The following ETFA variants were observed in gnomAD, a reference collection of about 807,000 sequenced individuals.
ETFA encodes electron transfer flavoprotein subunit alpha, mitochondrial.
Under a neutral mutation model 46.2 loss-of-function variants are expected in ETFA, and 22 were observed. That is an observed-to-expected ratio of 0.48 (90% CI 0.34 to 0.68). The LOEUF is 0.68. ETFA is among the 30% of genes least tolerant of loss of function. The pLI is 0.01. For missense variants in ETFA, 345 were observed against 401.1 expected, an observed-to-expected ratio of 0.86 and a Z score of 1.19; for synonymous variants, 131 against 139.9, an observed-to-expected ratio of 0.94 and a Z score of 0.45.
intron 9 of ETFA, chr15:76,260,737 T>G (rs2039401987): frequency 6.2e-7 from 1 of 1,606,552 alleles, no homozygotes; most frequent in African/African-American, 1.3e-5. Context: ...TGGGGAGCGC[T>G]GGCTGGGGCT....
intron 1 of ETFA, 36 bp from the exon 2 acceptor site, chr15:76,295,773 A>G (rs2141544027): frequency 1.3e-6 from 2 of 1,548,684 alleles, no homozygotes; most frequent in East Asian, 4.6e-5. Flanking sequence ...AAGGTAAAGA[A>G]TGTTGTCACA....
chr15:76,261,120 G>A lies in ETFA; in HGVS notation c.816+13292C>T, dbSNP rs1319399882. 10 of 1,516,236 alleles carry A rather than the reference G, an allele frequency of 6.6e-6. No individual in the cohort carries two copies. In the East Asian group the frequency reaches 1.8e-4, roughly 28 times the overall value. 93.9% of individuals were successfully genotyped at this position (1,516,236 alleles called of 1,614,324 possible). A position where few individuals can be genotyped will look rare whatever the true frequency, so the allele number is the denominator to read the frequency against. ...TTCACAGGAAAACATGGGTGCTCTG[G>A]GTCACCCCTGTTACATTTAAAACAA... On this transcript the variant is annotated intron_variant, in intron 9 of 11. Coordinates refer to ENST00000557943, the MANE Select transcript of ETFA (RefSeq NM_000126.4).
chr15:76,242,548 T>C (rs919974273), intron 9 of ETFA, among the ~76,000 whole-genome samples: 2 of 152,216 alleles, frequency 1.3e-5, no homozygotes, highest in African/African-American at 4.8e-5. Flanking sequence ...CCTAAGTATA[T>C]ATTCAAAAGA....
intron 11 of ETFA, among the ~76,000 whole-genome samples, chr15:76,217,260 C>A (rs1010643735): frequency 5.3e-5 from 8 of 152,210 alleles, no homozygotes; most frequent in African/African-American, 1.9e-4. Context: ...TAACTGCATT[C>A]CTGACTTTCC....
intron 1 of ETFA, among the ~76,000 whole-genome samples, chr15:76,304,571 G>C (rs2039917945): frequency 6.6e-6 from 1 of 151,206 alleles, no homozygotes. Flanking sequence ...GGCTGAGATG[G>C]AAGGATCATT....
At chr15:76,281,454 C>A (rs1339003061) in intron 8 of ETFA, among the ~76,000 whole-genome samples, 1 of 150,492 alleles carries the variant, frequency 6.6e-6, no homozygotes, top group Non-Finnish European at 1.5e-5. Flanking sequence ...GAGACAGAGT[C>A]TCGCCCTGTT....
intron 9 of ETFA, among the ~76,000 whole-genome samples, chr15:76,262,861 C>T (rs2039430717): frequency 6.6e-6 from 1 of 152,056 alleles, no homozygotes; most frequent in African/African-American, 2.4e-5. Flanking sequence ...AGGAACAATA[C>T]AAATAATGGC....
chr15:76,303,396 A>T (rs1008336527), intron 1 of ETFA, among the ~76,000 whole-genome samples: 3 of 152,220 alleles, frequency 2.0e-5, no homozygotes, highest in Non-Finnish European at 4.4e-5. Flanking sequence ...CATTTTGAAC[A>T]TAGACCCTGG....
intron 8 of ETFA, among the ~76,000 whole-genome samples, chr15:76,278,072 C>A (rs569857384): frequency 1.3e-5 from 2 of 152,206 alleles, no homozygotes; most frequent in South Asian, 2.1e-4. Flanking sequence ...GACTTCCAAG[C>A]TTCTTATATG....
At chr15:76,270,430 T>C (rs1347101365) in intron 9 of ETFA, among the ~76,000 whole-genome samples, 1 of 152,206 alleles carries the variant, frequency 6.6e-6, no homozygotes, top group African/African-American at 2.4e-5. Context: ...TACAGAAATA[T>C]AAATGTAAAT....
At chr15:76,227,572 G>A in intron 10 of ETFA, 1 of 231,638 alleles carries the variant, frequency 4.3e-6, no homozygotes, top group Non-Finnish European at 8.4e-6. Flanking sequence ...ATATCAGATA[G>A]TTTATCAGTA....
chr15:76,256,131 A>AG (rs2039343292), intron 9 of ETFA, among the ~76,000 whole-genome samples: 1 of 151,896 alleles, frequency 6.6e-6, no homozygotes, highest in African/African-American at 2.4e-5. Flanking sequence ...AGTGGTTCAC[A>AG]CCTGTAATCC....
chr15:76,233,049 T>C (rs1408218833), intron 9 of ETFA, among the ~76,000 whole-genome samples: 1 of 152,204 alleles, frequency 6.6e-6, no homozygotes, highest in African/African-American at 2.4e-5. Flanking sequence ...ACTTGTTCTA[T>C]AGTTACCAAA....
chr15:76,223,008 T>A (rs553593371), intron 11 of ETFA, among the ~76,000 whole-genome samples: 1 of 152,086 alleles, frequency 6.6e-6, no homozygotes, highest in East Asian at 1.9e-4. Flanking sequence ...CTAATTTTTG[T>A]ATTTTTTGTA....
chr15:76,240,824 A>C (rs1296745499), intron 9 of ETFA, among the ~76,000 whole-genome samples: 1 of 151,818 alleles, frequency 6.6e-6, no homozygotes, highest in Non-Finnish European at 1.5e-5. Context: ...AGGCAGGAGG[A>C]TTTCTTGAGT....
chr15:76,269,552 T>C (rs2039507791), intron 9 of ETFA, among the ~76,000 whole-genome samples: 1 of 152,230 alleles, frequency 6.6e-6, no homozygotes, highest in Admixed American at 6.5e-5. Flanking sequence ...GCTTGGGGCC[T>C]TTGCAGCCTC....
chr15:76,255,908 G>GT (rs2039341389), intron 9 of ETFA, among the ~76,000 whole-genome samples: 1 of 150,612 alleles, frequency 6.6e-6, no homozygotes, highest in Non-Finnish European at 1.5e-5. Context: ...ACAGTTTTTT[G>GT]TTGTTTTTTT....
intron 2 of ETFA, 68 bp downstream of exon 2, chr15:76,295,523 T>C: frequency 7.4e-7 from 1 of 1,353,314 alleles, no homozygotes; most frequent in Non-Finnish European, 1.1e-6. Flanking sequence ...CATAATTCTC[T>C]GTTGCCATCT....
chr15:76,242,909 G>T (rs1289411968), intron 9 of ETFA, among the ~76,000 whole-genome samples: 1 of 152,190 alleles, frequency 6.6e-6, no homozygotes, highest in East Asian at 1.9e-4. Flanking sequence ...ATGGGTACAG[G>T]ATTTCTATTT....
Sources: gnomAD v4.1 joint callset for allele counts (sites outside exome capture counted in the v4.1 genomes callset) on GRCh38, gnomAD v4.1.1 for gene constraint, MANE v1.5 for transcripts, NCBI Gene and HGNC (gene_info 2026-07-23, HGNC 2026-07-21) for gene names.